FGF5: variants seen among roughly 807,000 people sequenced by gnomAD.
FGF5 encodes the protein heparin-binding growth factor 5.
In FGF5, 23 loss-of-function variants were observed where a neutral mutation model predicts 21.8. That is an observed-to-expected ratio of 1.05 (90% CI 0.76 to 1.49). The LOEUF is 1.49. Among genes scored for constraint, FGF5 ranks in the 40% most tolerant of loss-of-function variants. FGF5 has a pLI of 0.00. For missense variants in FGF5, 352 were observed against 332.9 expected (o/e 1.06, Z -0.45); for synonymous variants, 158 against 124.0 (o/e 1.27, Z -1.82).
At chr4:80,273,071 T>C (rs1720314328) in intron 1 of FGF5, among the ~76,000 whole-genome samples, 1 of 152,020 alleles carries the variant, frequency 6.6e-6, no homozygotes, top group Non-Finnish European at 1.5e-5. Context: ...TGATAATGCT[T>C]CTAAACCTTT....
At chr4:80,286,185 CAT>C (rs943560274) in intron 2 of FGF5, 138 bp from the exon 3 acceptor site, 2 of 565,606 alleles carry the variant, frequency 3.5e-6, no homozygotes, top group South Asian at 3.7e-5. Context: ...AATAAGCAAA[CAT>C]GTCTTTATAA....
intron 2 of FGF5, among the ~76,000 whole-genome samples, chr4:80,285,884 C>T (rs1353076174): frequency 6.6e-6 from 1 of 152,060 alleles, no homozygotes; most frequent in African/African-American, 2.4e-5. Flanking sequence ...TAATTTTGAC[C>T]TCATTTCTGT....
chr4:80,267,130 G>A lies in FGF5; in HGVS notation c.306G>A (p.Gln102=). 6.2e-7 allele frequency: 1 copy of A among 1,613,494 alleles called. No individual in the cohort carries two copies. The highest frequency in any genetic ancestry group is 1.7e-5 in the Admixed American group (1 of 59,918). The part of the protein sequence containing the change: ...YCRVGIGFHL[Q]IYPDGKVNGS... ...GAGTGGGCATCGGTTTCCATCTGCA[G>A]ATCTACCCGGATGGCAAAGTCAATG... is the stretch of plus-strand genomic sequence containing the variant. The change falls in exon 1 of 3, where the codon CAG becomes CAA. Residue 102 remains glutamine (Q), a synonymous_variant. Transcript: ENST00000312465.
intron 1 of FGF5, among the ~76,000 whole-genome samples, chr4:80,267,466 C>T (rs1720129358): frequency 6.6e-6 from 1 of 152,174 alleles, no homozygotes; most frequent in African/African-American, 2.4e-5. Flanking sequence ...GCCTCAAAGA[C>T]GAGTCCCCAG....
intron 2 of FGF5, among the ~76,000 whole-genome samples, chr4:80,285,797 G>A (rs986678800): frequency 3.3e-5 from 5 of 151,958 alleles, no homozygotes; most frequent in African/African-American, 1.2e-4. Context: ...TATTAATGGG[G>A]GCCATATGCT....
chr4:80,286,554 C>T lies in FGF5; in HGVS notation c.689C>T (p.Thr230Met), dbSNP rs184034246. 72 of 1,614,020 alleles carry T rather than the reference C, an allele frequency of 4.5e-5. No individual in the cohort carries two copies. The highest frequency in any genetic ancestry group is 1.6e-4 in the Middle Eastern group (1 of 6,062). The change falls in exon 3 of 3, where the codon ACG (threonine) becomes ATG (methionine). Residue 230 changes from threonine to methionine, a missense_variant. Thr to Met is a moderately conservative substitution (Grantham distance 81, BLOSUM62 -1). Transcript: ENST00000312465. ...TCGGAGCAGCCAGAACTTTCTTTCA[C>T]GGTTACTGTTCCTGAAAAGAAAAAG... ...KQSEQPELSF[T>M]VTVPEKKKPP...
intron 1 of FGF5, among the ~76,000 whole-genome samples, chr4:80,272,441 C>T (rs1188947990): frequency 6.6e-6 from 1 of 152,034 alleles, no homozygotes; most frequent in East Asian, 1.9e-4. Context: ...TATTGAAATA[C>T]ATGTTAAATG....
Position 80,287,466 on chromosome 4 carries a change from G to A in FGF5, c.*794G>A, listed in dbSNP as rs762362955. On this transcript the variant is annotated 3_prime_UTR_variant, in exon 3 of 3. Transcript: ENST00000312465. ...GAGAAAATATAAGGACTTTTTGATG[G>A]AATTAAATGTGGGAGGTAAGGAAAA... The A allele has an allele frequency of 2.6e-5, 4 of 152,146 alleles. No individual in the cohort carries two copies. Among genetic ancestry groups the A allele is most frequent in the Non-Finnish European group, 5.9e-5 (4 of 68,004 alleles). The allele number at this position is 152,146 out of a possible 1,614,324, so 9.4% of individuals were successfully genotyped here.
At chr4:80,285,330 AG>A (rs1720681119) in intron 2 of FGF5, among the ~76,000 whole-genome samples, 1 of 152,198 alleles carries the variant, frequency 6.6e-6, no homozygotes, top group Admixed American at 6.5e-5. Flanking sequence ...AACTACTTAC[AG>A]GTATTTGAAA....
chr4:80,267,256 G>A, intron 1 of FGF5, 77 bp downstream of exon 1: 2 of 1,192,312 alleles, frequency 1.7e-6, no homozygotes, highest in Non-Finnish European at 2.4e-6. Flanking sequence ...GTATTCGCCG[G>A]GACACAGGCT....
chr4:80,278,820 G>T (rs1046278517), intron 2 of FGF5, among the ~76,000 whole-genome samples: 1 of 152,128 alleles, frequency 6.6e-6, no homozygotes, highest in African/African-American at 2.4e-5. Context: ...TTGTCGTGCA[G>T]GTTTTTCAGC....
In FGF5 at chr4:80,286,615, T is replaced by G. The variant is rs1473575432; in HGVS notation, c.750T>G (p.Ser250=). 13 of 1,614,094 alleles carry G rather than the reference T, an allele frequency of 8.1e-6. No individual in the cohort carries two copies. The highest frequency in any genetic ancestry group is 1.0e-5 in the Non-Finnish European group (12 of 1,179,974). The change falls in exon 3 of 3, where the codon TCT becomes TCG. Residue 250 remains serine, a synonymous_variant. Transcript: ENST00000312465. ...PSPIKPKIPL[S]APRKNTNSVK... is the part of the protein sequence containing the mutation. ...CTATCAAGCCAAAGATTCCCCTTTCTGCACCTCGGAAAAATACCAACTCAG... is the reference window on the plus strand; with the variant it reads ...CTATCAAGCCAAAGATTCCCCTTTCGGCACCTCGGAAAAATACCAACTCAG...
intron 1 of FGF5, among the ~76,000 whole-genome samples, chr4:80,269,628 C>A (rs567881574): frequency 6.6e-6 from 1 of 152,256 alleles, no homozygotes; most frequent in East Asian, 1.9e-4. Context: ...TAAACTTTTT[C>A]CTAATTTATT....
intron 1 of FGF5, among the ~76,000 whole-genome samples, chr4:80,271,557 G>C (rs1720273312): frequency 6.6e-6 from 1 of 152,180 alleles, no homozygotes; most frequent in Non-Finnish European, 1.5e-5. Flanking sequence ...GAAGGCCACA[G>C]TAGCAGGAGA....
chr4:80,274,113 G>A (rs1393373665), intron 1 of FGF5, among the ~76,000 whole-genome samples: 6 of 152,108 alleles, frequency 3.9e-5, no homozygotes, highest in African/African-American at 1.4e-4. Flanking sequence ...TCTATGAACA[G>A]TGGTGTGTAA....
chr4:80,286,812 T>TCA lies in FGF5; in HGVS notation c.*140_*141insCA. 2 of 637,660 alleles carry TCA rather than the reference T, an allele frequency of 3.1e-6. No homozygotes were observed. The highest frequency in any genetic ancestry group is 5.3e-6 in the Non-Finnish European group (2 of 374,098). 39.5% of individuals were successfully genotyped at this position (637,660 alleles called of 1,614,324 possible). A position where few individuals can be genotyped will look rare whatever the true frequency, so the allele number is the denominator to read the frequency against. On this transcript the variant is annotated 3_prime_UTR_variant, in exon 3 of 3. Coordinates refer to ENST00000312465, the MANE Select transcript of FGF5 (RefSeq NM_004464.4). Reference sequence around the variant, plus strand: ...TGAAGTCACGTCATTTGTTTCAATGTGACTGAAACAAAATGTTTTTTGATA... The same window carrying TCA: ...TGAAGTCACGTCATTTGTTTCAATGTCAGACTGAAACAAAATGTTTTTTGATA...
In FGF5 at chr4:80,289,982, A is replaced by C. The variant is rs1214395451; in HGVS notation, c.*3310A>C. On this transcript the variant is annotated 3_prime_UTR_variant, in exon 3 of 3. Coordinates refer to ENST00000312465, the MANE Select transcript of FGF5 (RefSeq NM_004464.4). ...TCTTATTAAATCAATCTTGAAATAG[A>C]AAATGTAATAACTTTCTTACCATTA... is the stretch of plus-strand genomic sequence containing the variant. The C allele has an allele frequency of 6.6e-6, 1 of 152,178 alleles. No individual in the cohort carries two copies. The highest frequency in any genetic ancestry group is 1.5e-5 in the Non-Finnish European group (1 of 68,030). 9.4% of individuals were successfully genotyped at this position (152,178 alleles called of 1,614,324 possible). A position where few individuals can be genotyped will look rare whatever the true frequency, so the allele number is the denominator to read the frequency against.
intron 2 of FGF5, among the ~76,000 whole-genome samples, chr4:80,278,247 A>G (rs751254703): frequency 6.6e-6 from 1 of 152,190 alleles, no homozygotes; most frequent in Non-Finnish European, 1.5e-5. Context: ...CATCATTAGA[A>G]TATTTATAGC....
intron 2 of FGF5, among the ~76,000 whole-genome samples, chr4:80,285,315 C>T (rs1349597337): frequency 2.0e-5 from 3 of 152,184 alleles, no homozygotes; most frequent in South Asian, 4.1e-4. Flanking sequence ...GTAGAGGTCA[C>T]GCTGAACTAC....
Sources: allele counts gnomAD v4.1 joint callset (sites outside exome capture counted in the v4.1 genomes callset), GRCh38; gene constraint gnomAD v4.1.1; transcripts MANE v1.5; gene names NCBI Gene and HGNC (gene_info 2026-07-23, HGNC 2026-07-21).